Variants in WDR27 observed in about 807,000 individuals in gnomAD.
The protein encoded by WDR27 is WD repeat-containing protein 27.
A neutral mutation model predicts 114.4 loss-of-function variants in WDR27; 100 were observed. The ratio of observed to expected loss-of-function variants is 0.87; its 90% CI spans 0.74 to 1.03. The LOEUF (loss-of-function observed/expected upper bound fraction) is 1.03. Among genes scored for constraint, WDR27 ranks in the 50% least tolerant of loss-of-function variants. WDR27 has a pLI of 0.00. For missense variants in WDR27, 1,129 were observed against 1,092.9 expected, an observed-to-expected ratio of 1.03 and a Z score of -0.47; for synonymous variants, 449 against 423.1, an observed-to-expected ratio of 1.06 and a Z score of -0.75.
chr6:169,626,651 C>T (rs1302750780), intron 21 of WDR27, among the ~76,000 whole-genome samples: 2 of 152,238 alleles, frequency 1.3e-5, no homozygotes, highest in East Asian at 3.9e-4. Flanking sequence ...CCGCTTTCCA[C>T]ATGAGTCCGC....
intron 17 of WDR27, among the ~76,000 whole-genome samples, chr6:169,639,585 C>T (rs1441891264): frequency 2.0e-5 from 3 of 152,278 alleles, no homozygotes; most frequent in South Asian, 2.1e-4. Context: ...TTTCTGAGAG[C>T]GCCAATGCTG....
At chr6:169,679,693 T>A (rs1007546920) in intron 2 of WDR27, among the ~76,000 whole-genome samples, 1 of 152,206 alleles carries the variant, frequency 6.6e-6, no homozygotes, top group African/African-American at 2.4e-5. Flanking sequence ...GTTCCTGCAG[T>A]CCTAATTAAA....
chr6:169,697,926 C>A (rs1047871079), intron 1 of WDR27, among the ~76,000 whole-genome samples: 1 of 152,220 alleles, frequency 6.6e-6, no homozygotes, highest in Non-Finnish European at 1.5e-5. Flanking sequence ...TATTTCTACA[C>A]TCGTCCCCGC....
intron 21 of WDR27, among the ~76,000 whole-genome samples, chr6:169,624,720 G>A (rs1246835049): frequency 6.6e-6 from 1 of 152,312 alleles, no homozygotes; most frequent in East Asian, 1.9e-4. Context: ...CCACTGAGAA[G>A]AGAGCTCACC....
intron 25 of WDR27, among the ~76,000 whole-genome samples, chr6:169,491,467 A>T (rs1251139778): frequency 6.6e-6 from 1 of 152,010 alleles, no homozygotes; most frequent in Non-Finnish European, 1.5e-5. Flanking sequence ...CATGCTCTGA[A>T]GCATCTCTTT....
At position 169,618,163 on chromosome 6, in the gene WDR27, T is replaced by C. The variant is rs1198964640; in HGVS notation, c.2224-4507A>G. ...AAAATACAGCAAGATCTAAAACTAA[T>C]AAAGCAAAATAACATAAGTGACTAT... On this transcript the variant is annotated intron_variant, in intron 21 of 25. Transcript: ENST00000448612. Among the ~76,000 whole-genome samples the C allele has an allele frequency of 2.6e-5, 4 of 152,250 alleles. No homozygotes were observed. The East Asian group carries it at 5.8e-4, about 22-fold the overall frequency.
intron 24 of WDR27, among the ~76,000 whole-genome samples, chr6:169,578,550 GA>G (rs1802836779): frequency 6.6e-6 from 1 of 152,122 alleles, no homozygotes; most frequent in African/African-American, 2.4e-5. Flanking sequence ...TTCCTACATA[GA>G]AGCTCCCAGG....
chr6:169,664,082 T>C, intron 8 of WDR27, 84 bp downstream of exon 8: 1 of 1,271,524 alleles, frequency 7.9e-7, no homozygotes, highest in Non-Finnish European at 1.1e-6. Flanking sequence ...CTCTCTCCCC[T>C]GTGTGACCTA....
chr6:169,511,640 TCA>T (rs2115532636), intron 25 of WDR27, among the ~76,000 whole-genome samples: 1 of 152,294 alleles, frequency 6.6e-6, no homozygotes, highest in East Asian at 1.9e-4. Context: ...CATAATATCC[TCA>T]GTTTTCCTTC....
downstream of WDR27, among the ~76,000 whole-genome samples, chr6:169,455,870 T>G (rs956845627): frequency 7.2e-5 from 11 of 152,260 alleles, no homozygotes; most frequent in Non-Finnish European, 1.5e-4. Flanking sequence ...AGGTCTCTAA[T>G]AGATTTGGTA....
intron 18 of WDR27, among the ~76,000 whole-genome samples, chr6:169,637,544 T>C (rs1049017621): frequency 2.0e-5 from 3 of 151,780 alleles, no homozygotes; most frequent in African/African-American, 4.8e-5. Context: ...TGTGTGCCTA[T>C]TGCATGTGTG....
chr6:169,654,764 G>A (rs1206464096), intron 13 of WDR27, among the ~76,000 whole-genome samples: 2 of 136,436 alleles, frequency 1.5e-5, no homozygotes, highest in Admixed American at 7.2e-5. Context: ...TAGGCGGCGC[G>A]CACAGCAGAA....
chr6:169,696,386 G>T (rs148217140), intron 1 of WDR27, among the ~76,000 whole-genome samples: 1 of 152,172 alleles, frequency 6.6e-6, no homozygotes, highest in African/African-American at 2.4e-5. Context: ...ATACACACAT[G>T]CATGCACACA....
intron 25 of WDR27, among the ~76,000 whole-genome samples, chr6:169,494,760 G>A (rs187043530): frequency 6.6e-6 from 1 of 152,206 alleles, no homozygotes; most frequent in African/African-American, 2.4e-5. Context: ...TGGAAAACTG[G>A]CATTAATGAA....
At chr6:169,682,434 G>C (rs1781782990) in intron 2 of WDR27, among the ~76,000 whole-genome samples, 1 of 152,192 alleles carries the variant, frequency 6.6e-6, no homozygotes, top group African/African-American at 2.4e-5. Context: ...GTCCTACCCA[G>C]GTCCATCTGG....
intron 2 of WDR27, among the ~76,000 whole-genome samples, chr6:169,672,991 G>A (rs1427577952): frequency 2.6e-5 from 4 of 152,160 alleles, no homozygotes; most frequent in East Asian, 3.8e-4. Context: ...CGAGTGTTGG[G>A]GGTATACTGG....
chr6:169,553,126 G>A (rs2982404), intron 25 of WDR27, among the ~76,000 whole-genome samples: 31,726 of 99,938 alleles, frequency 0.32, 8,910 homozygotes, highest in Non-Finnish European at 0.55. Context: ...CCTGGGCGGG[G>A]ACGCCATCAG....
chr6:169,434,832 T>G, the WDR27 span, among the ~76,000 whole-genome samples: 1,624 of 152,294 alleles, frequency 0.011, 22 homozygotes, highest in African/African-American at 0.036. Context: ...CTGGGAGAAA[T>G]TCAAGCCAGT....
intron 25 of WDR27, among the ~76,000 whole-genome samples, chr6:169,526,251 C>T (rs1028559155): frequency 1.2e-4 from 18 of 152,150 alleles, no homozygotes; most frequent in African/African-American, 3.9e-4. Flanking sequence ...CTATAAAACT[C>T]TTGGAACATA....
Sources: allele counts gnomAD v4.1 joint callset (sites outside exome capture counted in the v4.1 genomes callset), GRCh38; gene constraint gnomAD v4.1.1; transcripts MANE v1.5; gene names NCBI Gene and HGNC (gene_info 2026-07-23, HGNC 2026-07-21).